The following DAB1 variants were observed in gnomAD, a reference collection of about 807,000 sequenced individuals.
DAB1 encodes the protein DAB adaptor protein 1, also known as disabled homolog 1.
DAB1 carries 15 observed loss-of-function variants against 64.6 expected under a neutral mutation model. The observed-to-expected ratio is 0.23, with a 90% CI of 0.16 to 0.36. The LOEUF (loss-of-function observed/expected upper bound fraction) is 0.36. Ranked by LOEUF, DAB1 falls within the 10% of genes least tolerant of loss-of-function variation. The pLI is 1.00. For missense variants in DAB1, 596 were observed against 706.7 expected (o/e 0.84, Z 1.78); for synonymous variants, 235 against 251.9 (o/e 0.93, Z 0.64).
chr1:57,999,332 T>A (rs1360001512), intron 5 of DAB1, among the ~76,000 whole-genome samples: 1 of 152,164 alleles, frequency 6.6e-6, no homozygotes, highest in Non-Finnish European at 1.5e-5. Flanking sequence ...ACCAGCAGCA[T>A]CAGCAGCTTG....
At chr1:58,471,034 T>C (rs932468444) in intron 3 of DAB1, among the ~76,000 whole-genome samples, 1 of 152,180 alleles carries the variant, frequency 6.6e-6, no homozygotes, top group Admixed American at 6.5e-5. Flanking sequence ...ATGGAACCAA[T>C]ACTATTTTAT....
chr1:57,129,247 G>C (rs1048472274), intron 4 of DAB1, among the ~76,000 whole-genome samples: 6 of 152,022 alleles, frequency 3.9e-5, no homozygotes, highest in African/African-American at 1.2e-4. Flanking sequence ...TATAGACTTG[G>C]TCCTGTAAAT....
At chr1:57,198,649 T>TCTCA (rs1477522407) in intron 2 of DAB1, among the ~76,000 whole-genome samples, 3,529 of 128,254 alleles carry the variant, frequency 0.028, 146 homozygotes, top group African/African-American at 0.087. Context: ...CTTCTCTCTC[T>TCTCA]CACACACACA....
chr1:58,487,309 T>C (rs755205772), intron 3 of DAB1, among the ~76,000 whole-genome samples: 99 of 152,234 alleles, frequency 6.5e-4, no homozygotes, highest in African/African-American at 2.2e-3. Flanking sequence ...TCTGTTTTAA[T>C]AGCTTTTCTT....
At chr1:58,346,929 C>T (rs1010349582) in intron 3 of DAB1, among the ~76,000 whole-genome samples, 17 of 152,192 alleles carry the variant, frequency 1.1e-4, no homozygotes, top group African/African-American at 3.9e-4. Context: ...CTTGACTCCA[C>T]CATCTATTAG....
chr1:56,998,655 C>T (rs777668788), intron 14 of DAB1, among the ~76,000 whole-genome samples: 17 of 152,208 alleles, frequency 1.1e-4, no homozygotes, highest in Non-Finnish European at 2.4e-4. Context: ...TCAAATTGCT[C>T]TTCTACAAAT....
At chr1:57,426,874 A>ATATATATATATATATATATATATATATT (rs57970737), upstream of DAB1, among the ~76,000 whole-genome samples, 1 of 149,184 alleles carries the variant, frequency 6.7e-6, no homozygotes, top group Non-Finnish European at 1.5e-5. Context: ...ATATATATAT[A>ATATATATATATATATATATATATATATT]TTTTTTTGAG....
chr1:57,295,371 AGTT>A (rs1673109434), intron 1 of DAB1, among the ~76,000 whole-genome samples: 1 of 152,214 alleles, frequency 6.6e-6, no homozygotes, highest in South Asian at 2.1e-4. Context: ...CAAGACTTTG[AGTT>A]TGTGTGGCAG....
chr1:58,262,383 G>A (rs775977115), intron 4 of DAB1, among the ~76,000 whole-genome samples: 3 of 152,072 alleles, frequency 2.0e-5, no homozygotes, highest in Non-Finnish European at 4.4e-5. Flanking sequence ...TCAAGAGATC[G>A]AGACCATCCT....
chr1:58,140,035 T>A (rs899664306), intron 5 of DAB1, among the ~76,000 whole-genome samples: 2 of 152,232 alleles, frequency 1.3e-5, no homozygotes, highest in African/African-American at 4.8e-5. Flanking sequence ...GCATATTTTG[T>A]GCATCTGGAA....
chr1:57,669,340 T>C (rs1360814378), intron 6 of DAB1, among the ~76,000 whole-genome samples: 2 of 152,130 alleles, frequency 1.3e-5, no homozygotes, highest in Non-Finnish European at 2.9e-5. Context: ...ATTATTATGA[T>C]TTTTCCTCAC....
intron 4 of DAB1, among the ~76,000 whole-genome samples, chr1:58,321,016 C>T (rs1179781916): frequency 1.3e-5 from 2 of 152,220 alleles, no homozygotes; most frequent in Admixed American, 6.5e-5. Flanking sequence ...TCCAGCTCTG[C>T]CCAGGTGACT....
At chr1:57,949,452 C>A (rs971913084) in intron 5 of DAB1, among the ~76,000 whole-genome samples, 1 of 148,096 alleles carries the variant, frequency 6.8e-6, no homozygotes, top group Non-Finnish European at 1.5e-5. Context: ...CTGTGTTAAG[C>A]AATTCTTTAT....
At chr1:57,206,230 A>G (rs542112269) in intron 2 of DAB1, among the ~76,000 whole-genome samples, 2 of 152,276 alleles carry the variant, frequency 1.3e-5, no homozygotes, top group East Asian at 3.9e-4. Flanking sequence ...GGAGGCAGGG[A>G]GAAAAGGAGG....
chr1:57,448,148 T>C (rs1686218905), intron 7 of DAB1, among the ~76,000 whole-genome samples: 1 of 152,204 alleles, frequency 6.6e-6, no homozygotes, highest in South Asian at 2.1e-4. Context: ...TAAGTATTCT[T>C]AGATAATTAG....
At chr1:58,298,114 G>C (rs1260792824) in intron 4 of DAB1, among the ~76,000 whole-genome samples, 1 of 152,144 alleles carries the variant, frequency 6.6e-6, no homozygotes, top group African/African-American at 2.4e-5. Flanking sequence ...GCATTCACTG[G>C]ATACTTTGTA....
At chr1:57,315,797 C>A (rs182575902) in intron 1 of DAB1, among the ~76,000 whole-genome samples, 1 of 152,156 alleles carries the variant, frequency 6.6e-6, no homozygotes. Context: ...CCACCGCGCC[C>A]GGCCACCTAT....
At chr1:58,473,063 C>T (rs1441185451) in intron 3 of DAB1, among the ~76,000 whole-genome samples, 4 of 152,200 alleles carry the variant, frequency 2.6e-5, no homozygotes, top group Non-Finnish European at 5.9e-5. Context: ...AACGACATTT[C>T]CCCGCACCAC....
At position 57,055,019 on chromosome 1, in the gene DAB1, C is replaced by T. The variant is rs563041290; in HGVS notation, c.723+7865G>A. Among the ~76,000 whole-genome samples the T allele has an allele frequency of 6.8e-4, 103 of 152,324 alleles. 4 individuals carry two copies. In the South Asian group the frequency reaches 0.021, roughly 31 times the overall value. On this transcript the variant is annotated intron_variant, in intron 9 of 14. Coordinates refer to ENST00000371236, the MANE Select transcript of DAB1 (RefSeq NM_001365792.1). ...TTTGCTTATTCAAATCTTACTCATCCTTCAAGGCTTTGCTCAATTAATTCC... is the reference window on the plus strand; with the variant it reads ...TTTGCTTATTCAAATCTTACTCATCTTTCAAGGCTTTGCTCAATTAATTCC...
Sources: allele counts gnomAD v4.1 joint callset (sites outside exome capture counted in the v4.1 genomes callset), GRCh38; gene constraint gnomAD v4.1.1; transcripts MANE v1.5; gene names NCBI Gene and HGNC (gene_info 2026-07-23, HGNC 2026-07-21).